The following LRRC4C variants were observed in gnomAD, a reference collection of about 807,000 sequenced individuals.
LRRC4C encodes the protein leucine rich repeat containing 4C, also known as leucine-rich repeat-containing protein 4C.
LRRC4C carries 5 observed loss-of-function variants against 33.6 expected under a neutral mutation model. That is an observed-to-expected ratio of 0.15 (90% CI 0.08 to 0.31). The LOEUF (loss-of-function observed/expected upper bound fraction) is 0.31, where lower values mean the gene tolerates loss of function less well. Among genes scored for constraint, LRRC4C ranks in the 10% least tolerant of loss-of-function variants. LRRC4C has a pLI of 1.00. For synonymous variants in LRRC4C, 329 were observed against 302.0 expected (o/e 1.09, Z -0.93); for missense variants, 560 against 796.7 (o/e 0.70, Z 3.58).
intron 1 of LRRC4C, among the ~76,000 whole-genome samples, chr11:40,991,363 G>T (rs144271873): frequency 6.6e-6 from 1 of 152,074 alleles, no homozygotes; most frequent in Non-Finnish European, 1.5e-5. Context: ...AATCAGGCAT[G>T]AGTAAAAGAT....
chr11:40,730,262 TA>T (rs960732034), intron 2 of LRRC4C, among the ~76,000 whole-genome samples: 28 of 151,616 alleles, frequency 1.8e-4, no homozygotes, highest in Middle Eastern at 3.4e-3. Context: ...TTTAAAAAAA[TA>T]AAAAAAAACT....
chr11:40,767,522 A>T (rs902188300), intron 2 of LRRC4C, among the ~76,000 whole-genome samples: 1 of 152,140 alleles, frequency 6.6e-6, no homozygotes, highest in South Asian at 2.1e-4. Context: ...AGGAATATAC[A>T]TACTTTTCAT....
chr11:40,975,777 G>C (rs1283502308), intron 1 of LRRC4C, among the ~76,000 whole-genome samples: 1 of 152,128 alleles, frequency 6.6e-6, no homozygotes, highest in African/African-American at 2.4e-5. Flanking sequence ...TTTGGATCCA[G>C]GCAGATTTCA....
At chr11:40,731,435 T>A (rs1457193810) in intron 2 of LRRC4C, among the ~76,000 whole-genome samples, 3 of 152,160 alleles carry the variant, frequency 2.0e-5, no homozygotes, top group Admixed American at 2.0e-4. Flanking sequence ...TAAGTAAATG[T>A]TCTCTGAGGT....
intron 3 of LRRC4C, among the ~76,000 whole-genome samples, chr11:40,492,626 CATT>C (rs1197376502): frequency 2.6e-5 from 4 of 152,070 alleles, no homozygotes; most frequent in African/African-American, 9.7e-5. Context: ...CCCAGGCTGA[CATT>C]ATCTTTTCTT....
At chr11:40,180,464 G>A (rs1439151656) in intron 5 of LRRC4C, among the ~76,000 whole-genome samples, 3 of 152,182 alleles carry the variant, frequency 2.0e-5, no homozygotes, top group South Asian at 2.1e-4. Flanking sequence ...AGGGGCAGAC[G>A]TTGAGTGGGA....
At chr11:41,382,136 A>G (rs1953179929) in intron 1 of LRRC4C, among the ~76,000 whole-genome samples, 1 of 152,038 alleles carries the variant, frequency 6.6e-6, no homozygotes, top group Non-Finnish European at 1.5e-5. Flanking sequence ...GGAATGCCTA[A>G]TAAGGTAATC....
chr11:41,057,443 G>A (rs1858710696), intron 1 of LRRC4C, among the ~76,000 whole-genome samples: 1 of 152,246 alleles, frequency 6.6e-6, no homozygotes, highest in Non-Finnish European at 1.5e-5. Flanking sequence ...GAAGCAGACA[G>A]GTTCCTGGGT....
chr11:40,267,135 C>A (rs1942332395), intron 4 of LRRC4C, among the ~76,000 whole-genome samples: 1 of 151,958 alleles, frequency 6.6e-6, no homozygotes, highest in African/African-American at 2.4e-5. Flanking sequence ...AGTTTTGTGT[C>A]CTCAGATAGA....
chr11:41,010,019 G>A lies in LRRC4C; in HGVS notation c.-495-76296C>T, dbSNP rs557448015. Among the ~76,000 whole-genome samples, 7 of 152,146 alleles carry A rather than the reference G, an allele frequency of 4.6e-5. No homozygotes were observed. In the East Asian group the frequency reaches 1.4e-3, roughly 29 times the overall value. ...GGCAAGATGATGTGAAGACACAGAG[G>A]GAGAAAGTCATGTGACTATAAGACA... On this transcript the variant is annotated intron_variant, in intron 1 of 6. Coordinates refer to ENST00000528697, the MANE Select transcript of LRRC4C (RefSeq NM_001258419.2).
At position 40,720,892 on chromosome 11, in the gene LRRC4C, A is replaced by C. The variant is rs899490208; in HGVS notation, c.-406-72614T>G. ...ATTTCAAATGATACAAGCAGGATTT[A>C]TTTTGGCTTAAATTAAGTAATTTTT... On this transcript the variant is annotated intron_variant, in intron 2 of 6. Coordinates refer to ENST00000528697, the MANE Select transcript of LRRC4C (RefSeq NM_001258419.2). 2.6e-5 allele frequency among the ~76,000 whole-genome samples: 4 copies of C among 152,162 alleles called. No homozygotes were observed. In the South Asian group the frequency reaches 8.3e-4, roughly 32 times the overall value.
intron 3 of LRRC4C, among the ~76,000 whole-genome samples, chr11:40,591,211 G>T (rs1290011997): frequency 6.6e-6 from 1 of 152,158 alleles, no homozygotes; most frequent in South Asian, 2.1e-4. Context: ...TCGGAAAAGC[G>T]CAGTATTCGG....
chr11:41,124,655 T>C (rs1942650851), intron 1 of LRRC4C, among the ~76,000 whole-genome samples: 1 of 152,230 alleles, frequency 6.6e-6, no homozygotes, highest in African/African-American at 2.4e-5. Context: ...ATTGTTTTAT[T>C]TTAGAAGTGA....
intron 3 of LRRC4C, among the ~76,000 whole-genome samples, chr11:40,484,045 AAAATTTTGTTTGGCAATATGCCC>A (rs1163978422): frequency 1.3e-5 from 2 of 152,106 alleles, no homozygotes; most frequent in Non-Finnish European, 2.9e-5. Flanking sequence ...CAATTTGGCG[AAAATTTTGTTTGGCAATATGCCC>A]AGCTGGAAAG....
intron 2 of LRRC4C, among the ~76,000 whole-genome samples, chr11:40,902,651 C>T (rs1188963075): frequency 1.3e-5 from 2 of 152,282 alleles, no homozygotes; most frequent in South Asian, 2.1e-4. Flanking sequence ...AAGTGCTCCT[C>T]CGGTGACCAT....
At chr11:41,067,314 CAAAG>C (rs1485667312) in intron 1 of LRRC4C, among the ~76,000 whole-genome samples, 1 of 152,098 alleles carries the variant, frequency 6.6e-6, no homozygotes, top group African/African-American at 2.4e-5. Flanking sequence ...ATCAAAAAGA[CAAAG>C]AAGGGTATAA....
intron 5 of LRRC4C, among the ~76,000 whole-genome samples, chr11:40,178,422 A>G (rs1860698897): frequency 6.6e-6 from 1 of 152,174 alleles, no homozygotes; most frequent in Non-Finnish European, 1.5e-5. Context: ...AATGTAGTGA[A>G]ACTGCAGCTG....
intron 2 of LRRC4C, among the ~76,000 whole-genome samples, chr11:40,880,853 A>ATG (rs968070257): frequency 4.3e-4 from 34 of 78,480 alleles, no homozygotes; most frequent in African/African-American, 1.0e-3. Flanking sequence ...TGCAAATAAA[A>ATG]TGTGTGTGTG....
At position 40,133,051 on chromosome 11, in the gene LRRC4C, G is replaced by T. The variant is rs541106997; in HGVS notation, c.-43+7750C>A. Among the ~76,000 whole-genome samples the T allele has an allele frequency of 2.0e-5, 3 of 152,280 alleles. No homozygotes were observed. In the South Asian group the frequency reaches 6.2e-4, roughly 32 times the overall value. On this transcript the variant is annotated intron_variant, in intron 6 of 6. Transcript: ENST00000528697. The stretch of plus-strand genomic sequence containing the variant: ...ATCTGAAACGTAAGTCCTTGGCAAG[G>T]CAGTCAGAGAAGGATGTGATTTCAG...
Sources: gnomAD v4.1 joint callset for allele counts (sites outside exome capture counted in the v4.1 genomes callset) on GRCh38, gnomAD v4.1.1 for gene constraint, MANE v1.5 for transcripts, NCBI Gene and HGNC (gene_info 2026-07-23, HGNC 2026-07-21) for gene names.